CTSE: variants seen among roughly 807,000 people sequenced by gnomAD.
The protein encoded by CTSE is erythrocyte membrane aspartic proteinase.
CTSE carries 43 observed loss-of-function variants against 42.8 expected under a neutral mutation model. That is an observed-to-expected ratio of 1.01 (90% confidence interval 0.79 to 1.30). CTSE has a LOEUF of 1.30. Ranked by LOEUF, CTSE falls within the 50% of genes most tolerant of loss-of-function variation. CTSE has a pLI of 0.00. For synonymous variants in CTSE, 205 were observed against 191.5 expected (o/e 1.07, Z -0.58); for missense variants, 532 against 493.5 (o/e 1.08, Z -0.74).
chr1:206,020,982 G>A, intron 4 of CTSE, 67 bp downstream of exon 4: 3 of 1,181,850 alleles, frequency 2.5e-6, no homozygotes, highest in Non-Finnish European at 3.8e-6. Flanking sequence ...GATTTGAAAT[G>A]TAAGACCTCT....
intron 6 of CTSE, 46 bp downstream of exon 6, chr1:206,013,726 T>C: frequency 6.3e-7 from 1 of 1,592,226 alleles, no homozygotes; most frequent in South Asian, 1.1e-5. Flanking sequence ...TGTGCCTCTT[T>C]TCAGTTTACC....
chr1:206,017,246 A>G (rs1553277816), intron 4 of CTSE, among the ~76,000 whole-genome samples: 1 of 152,046 alleles, frequency 6.6e-6, no homozygotes, highest in Non-Finnish European at 1.5e-5. Context: ...TTTACTTGCT[A>G]CAGGTTGAGC....
At position 206,010,137 on chromosome 1, in the gene CTSE, T is replaced by A. The variant is rs782635399; in HGVS notation, c.*46A>T. Reference sequence around the variant, plus strand: ...GTGTAAAGAATGCCCCAGCCTAACATATTCAAGGTCTGTCAGACAGGCAGG... The same window carrying A: ...GTGTAAAGAATGCCCCAGCCTAACAAATTCAAGGTCTGTCAGACAGGCAGG... On this transcript the variant is annotated 3_prime_UTR_variant, in exon 9 of 9. Transcript: ENST00000358184. 1 of 1,610,484 alleles carries A rather than the reference T, an allele frequency of 6.2e-7. No homozygotes were observed. Among genetic ancestry groups the A allele is most frequent in the African/African-American group, 1.3e-5 (1 of 74,950 alleles).
chr1:206,012,354 A>G lies in CTSE; in HGVS notation c.980T>C (p.Ile327Thr), dbSNP rs1553277093. 4 of 1,613,976 alleles carry G rather than the reference A, an allele frequency of 2.5e-6. No individual in the cohort carries two copies. The highest frequency in any genetic ancestry group is 1.1e-5 in the South Asian group (1 of 91,080). Residue 327 changes from isoleucine (I) to threonine (T), a missense_variant, in exon 8 of 9, where the codon ATT becomes ACT. Coordinates refer to ENST00000358184, the MANE Select transcript of CTSE (RefSeq NM_001910.4). ...GCTGAGGGTATAGGGGACTCCGTTAATGGTGAAGGTGACATCCGGCATGAC... is the reference window on the plus strand; with the variant it reads ...GCTGAGGGTATAGGGGACTCCGTTAGTGGTGAAGGTGACATCCGGCATGAC... Reference protein sequence around the residue: ...LNVMPDVTFTINGVPYTLSPT... With the variant: ...LNVMPDVTFTTNGVPYTLSPT...
chr1:206,011,033 T>A (rs140367161), intron 8 of CTSE, among the ~76,000 whole-genome samples: 1 of 152,048 alleles, frequency 6.6e-6, no homozygotes, highest in East Asian at 1.9e-4. Flanking sequence ...AGGAAGGACG[T>A]GAAAAGTCAA....
chr1:206,021,552 C>G (rs956425398), intron 3 of CTSE, among the ~76,000 whole-genome samples: 35 of 152,058 alleles, frequency 2.3e-4, no homozygotes, highest in African/African-American at 7.7e-4. Flanking sequence ...TTCTCCCAAC[C>G]GATGGACATC....
Position 206,023,845 on chromosome 1 carries a change from G to C in CTSE, c.-54C>G. On this transcript the variant is annotated 5_prime_UTR_variant, in exon 1 of 9. Transcript: ENST00000358184. ...GCCCCCTCCTTTCTTCTCTCCCCGA[G>C]GGCAGTGGGAACGGACTTTCCCTAA... The C allele has an allele frequency of 6.3e-7, 1 of 1,583,092 alleles. No individual in the cohort carries two copies. Among genetic ancestry groups the C allele is most frequent in the Middle Eastern group, 1.7e-4 (1 of 6,012 alleles).
At chr1:206,019,504 T>C (rs1245877614) in intron 4 of CTSE, among the ~76,000 whole-genome samples, 2 of 151,854 alleles carry the variant, frequency 1.3e-5, no homozygotes, top group Non-Finnish European at 2.9e-5. Context: ...CAGCTGACAT[T>C]GCTGTGGGCT....
chr1:206,023,107 T>TC, intron 1 of CTSE, 50 bp from the exon 2 acceptor site: 4 of 1,186,138 alleles, frequency 3.4e-6, no homozygotes, highest in Non-Finnish European at 4.3e-6. Context: ...GCCTCCCTCT[T>TC]CCCCCCATTC....
chr1:206,019,754 A>G (rs1404185697), intron 4 of CTSE, among the ~76,000 whole-genome samples: 1 of 146,182 alleles, frequency 6.8e-6, no homozygotes, highest in Non-Finnish European at 1.5e-5. Context: ...ATATAACATA[A>G]TATATACACA....
rs1553278713 is a variant in CTSE at position 206,023,035 on chromosome 1, A to C, written c.91T>G (p.Ser31Ala). The stretch of plus-strand genomic sequence containing the variant: ...CGTGCCCGCAGCTTCTTCTTGAGGG[A>C]CGGATGCCTCCTGAGGGGCACCCTG... Reference protein sequence around the residue: ...LHRVPLRRHPSLKKKLRARSQ... With the variant: ...LHRVPLRRHPALKKKLRARSQ... The change falls in exon 2 of 9, where the codon TCC (serine) becomes GCC (alanine). Residue 31 changes from serine to alanine, a missense_variant. Ser to Ala is a moderately conservative substitution (Grantham distance 99). Transcript: ENST00000358184. 4 of 1,612,954 alleles carry C rather than the reference A, an allele frequency of 2.5e-6. No individual in the cohort carries two copies. The highest frequency in any genetic ancestry group is 3.4e-6 in the Non-Finnish European group (4 of 1,179,396).
intron 8 of CTSE, among the ~76,000 whole-genome samples, chr1:206,010,926 A>G (rs982158538): frequency 7.9e-5 from 12 of 152,104 alleles, no homozygotes; most frequent in African/African-American, 2.9e-4. Context: ...GACGTGCTCT[A>G]CCAGGCAAGT....
At chr1:206,022,045 A>G (rs1553278476) in intron 3 of CTSE, 105 bp downstream of exon 3, 89 of 681,420 alleles carry the variant, frequency 1.3e-4, no homozygotes. Context: ...TGTGGCAGGG[A>G]TGGCCAGTTT....
Position 206,010,442 on chromosome 1 carries a change from G to A in CTSE, c.1027-95C>T, listed in dbSNP as rs1237527083. ...CTGTGTGGTGGTGGTGGCTGGCACT[G>A]GGTGGCCTTGGACAGCTGGTGGGTT... On this transcript the variant is annotated intron_variant, in intron 8 of 8. Transcript: ENST00000358184. 5 of 1,098,850 alleles carry A rather than the reference G, an allele frequency of 4.6e-6. No homozygotes were observed. The African/African-American group carries it at 7.7e-5, about 17-fold the overall frequency. The allele number at this position is 1,098,850 out of a possible 1,614,324, so 68.1% of individuals were successfully genotyped here. A position where few individuals can be genotyped will look rare whatever the true frequency, so the allele number is the denominator to read the frequency against.
chr1:206,015,361 A>G (rs573004216), intron 5 of CTSE, among the ~76,000 whole-genome samples: 6 of 152,200 alleles, frequency 3.9e-5, no homozygotes, highest in African/African-American at 1.4e-4. Flanking sequence ...TAGTCTAGGT[A>G]CCTCACCTAA....
rs1661015866 is a variant in CTSE at position 206,009,296 on chromosome 1, G to T, written c.*887C>A. The stretch of plus-strand genomic sequence containing the variant: ...CTGAACTTTGTAATGAATGATTAAA[G>T]CCAAGAACTCCAAACCCACCCAGCA... On this transcript the variant is annotated 3_prime_UTR_variant, in exon 9 of 9. Transcript: ENST00000358184. 2.0e-5 allele frequency: 3 copies of T among 152,112 alleles called. No individual in the cohort carries two copies. The South Asian group carries it at 6.2e-4, about 32-fold the overall frequency. The allele number at this position is 152,112 out of a possible 1,614,324, so 9.4% of individuals were successfully genotyped here.
At chr1:206,023,334 G>C (rs114031154) in intron 1 of CTSE, among the ~76,000 whole-genome samples, 2 of 151,774 alleles carry the variant, frequency 1.3e-5, no homozygotes, top group African/African-American at 4.8e-5. Context: ...GATGTGGGGC[G>C]GTCTACAGTT....
At chr1:206,016,290 A>C (rs1443021802) in intron 4 of CTSE, 160 bp from the exon 5 acceptor site, 8 of 674,160 alleles carry the variant, frequency 1.2e-5, no homozygotes, top group Non-Finnish European at 1.5e-5. Flanking sequence ...TTCCCAAAAA[A>C]CAGGACATTC....
intron 8 of CTSE, among the ~76,000 whole-genome samples, chr1:206,011,272 C>T (rs1274391215): frequency 1.3e-5 from 2 of 152,012 alleles, no homozygotes; most frequent in Admixed American, 1.3e-4. Flanking sequence ...AAGAACCACG[C>T]ACCTCCCCTC....
Sources: allele counts gnomAD v4.1 joint callset (sites outside exome capture counted in the v4.1 genomes callset), GRCh38; gene constraint gnomAD v4.1.1; transcripts MANE v1.5; gene names NCBI Gene and HGNC (gene_info 2026-07-23, HGNC 2026-07-21).